The following TNS3 variants were observed in gnomAD, a reference collection of about 807,000 sequenced individuals.
The protein encoded by TNS3 is tensin-3.
In TNS3, 45 loss-of-function variants were observed where a neutral mutation model predicts 140.9. The ratio of observed to expected loss-of-function variants is 0.32; its 90% confidence interval spans 0.25 to 0.41. The LOEUF is 0.41. Ranked by LOEUF, TNS3 falls within the 10% of genes least tolerant of loss-of-function variation. The pLI is 1.00. For synonymous variants in TNS3, 815 were observed against 788.4 expected (o/e 1.03, Z -0.56); for missense variants, 1,716 against 1,906.7 (o/e 0.90, Z 1.86).
chr7:47,298,666 C>A (rs1282545018), intron 23 of TNS3, among the ~76,000 whole-genome samples: 1 of 152,246 alleles, frequency 6.6e-6, no homozygotes, highest in Non-Finnish European at 1.5e-5. Flanking sequence ...CCAGTAAGTG[C>A]TGGGATGCCC....
At chr7:47,389,002 G>A (rs12702336) in intron 16 of TNS3, among the ~76,000 whole-genome samples, 18 of 6,622 alleles carry the variant, frequency 2.7e-3, no homozygotes, top group Non-Finnish European at 0.012. Flanking sequence ...AGAAGAAGAA[G>A]GAAGAAGAAG....
At chr7:47,278,352 C>A in intron 30 of TNS3, 132 bp from the exon 31 acceptor site, 1 of 1,042,270 alleles carries the variant, frequency 9.6e-7, no homozygotes, top group Non-Finnish European at 1.4e-6. Context: ...ACGTGCCCAG[C>A]ACCCTGCTGG....
At chr7:47,527,992 T>C (rs1373832521) in intron 2 of TNS3, among the ~76,000 whole-genome samples, 1 of 152,116 alleles carries the variant, frequency 6.6e-6, no homozygotes, top group Non-Finnish European at 1.5e-5. Flanking sequence ...CTGCCTTGGA[T>C]GCAGATCTAG....
intron 1 of TNS3, among the ~76,000 whole-genome samples, chr7:47,543,337 T>A (rs1029281747): frequency 6.6e-6 from 1 of 152,226 alleles, no homozygotes; most frequent in Non-Finnish European, 1.5e-5. Flanking sequence ...CCCAGGGCCA[T>A]GCTGGAGGGG....
intron 1 of TNS3, among the ~76,000 whole-genome samples, chr7:47,541,519 G>C (rs1191294687): frequency 6.6e-6 from 1 of 152,152 alleles, no homozygotes; most frequent in South Asian, 2.1e-4. Context: ...TTAACAAAAA[G>C]ACACAGGGGC....
intron 1 of TNS3, among the ~76,000 whole-genome samples, chr7:47,566,078 G>A (rs1800423462): frequency 6.6e-6 from 1 of 152,200 alleles, no homozygotes; most frequent in Non-Finnish European, 1.5e-5. Flanking sequence ...ACCCTGCCGA[G>A]CCGCAACCCA....
intron 4 of TNS3, among the ~76,000 whole-genome samples, chr7:47,451,005 G>A (rs1244588443): frequency 6.6e-6 from 1 of 152,196 alleles, no homozygotes; most frequent in East Asian, 1.9e-4. Flanking sequence ...GTGGTGGCAG[G>A]TGCCTGTAAA....
At chr7:47,365,539 G>A (rs932633455) in intron 17 of TNS3, among the ~76,000 whole-genome samples, 5 of 152,068 alleles carry the variant, frequency 3.3e-5, no homozygotes, top group Admixed American at 6.5e-5. Context: ...CGAGGGGGGC[G>A]GATCACAAGG....
chr7:47,392,876 G>A (rs1288592931), intron 16 of TNS3, among the ~76,000 whole-genome samples: 1 of 152,248 alleles, frequency 6.6e-6, no homozygotes, highest in African/African-American at 2.4e-5. Flanking sequence ...TTCTCAAAAG[G>A]ACCCAAGCCT....
At position 47,296,340 on chromosome 7, in the gene TNS3, C is replaced by T. The variant is rs377203069; in HGVS notation, c.3676+742G>A. On this transcript the variant is annotated intron_variant, in intron 24 of 30. Coordinates refer to ENST00000311160, the MANE Select transcript of TNS3 (RefSeq NM_022748.12). ...GTGAGGTTGTAGAGAAAAAGGAATG[C>T]TTTTGCACTGTTGGTGAGAGTGTAA... Among the ~76,000 whole-genome samples the T allele has an allele frequency of 4.1e-4, 62 of 152,302 alleles. 1 individual carries two copies. The East Asian group carries it at 7.3e-3, about 18-fold the overall frequency.
At chr7:47,317,837 A>G (rs940391073) in intron 20 of TNS3, among the ~76,000 whole-genome samples, 6 of 152,314 alleles carry the variant, frequency 3.9e-5, no homozygotes, top group Admixed American at 2.6e-4. Flanking sequence ...AGAGACAGAG[A>G]GAGAGACCCA....
At chr7:47,508,960 G>A (rs1442490465) in intron 2 of TNS3, among the ~76,000 whole-genome samples, 4 of 152,166 alleles carry the variant, frequency 2.6e-5, no homozygotes, top group Non-Finnish European at 5.9e-5. Flanking sequence ...GCCTTCAGAT[G>A]GTGCAGCCTC....
At chr7:47,411,422 C>T (rs900355453) in intron 13 of TNS3, among the ~76,000 whole-genome samples, 6 of 152,212 alleles carry the variant, frequency 3.9e-5, no homozygotes, top group African/African-American at 4.8e-5. Context: ...CTAGATCGCT[C>T]GCATACACAG....
At position 47,275,814 on chromosome 7, in the gene TNS3, C is replaced by T. The variant is rs546166813; in HGVS notation, c.*2262G>A. 24 of 456,022 alleles carry T rather than the reference C, an allele frequency of 5.3e-5. No homozygotes were observed. In the East Asian group the frequency reaches 1.2e-3, roughly 22 times the overall value. The allele number at this position is 456,022 out of a possible 1,614,324, so 28.2% of individuals were successfully genotyped here. On this transcript the variant is annotated 3_prime_UTR_variant, in exon 31 of 31. Coordinates refer to ENST00000311160, the MANE Select transcript of TNS3 (RefSeq NM_022748.12). ...ACCTGGCCAATGAGTTCAAAAAGCA[C>T]GTTTGCAGGGCTTCCTGAATGCCGT...
chr7:47,520,081 T>C lies in TNS3; in HGVS notation c.-153+8955A>G, dbSNP rs543331745. 2.9e-3 allele frequency among the ~76,000 whole-genome samples: 444 copies of C among 152,070 alleles called. 3 individuals are homozygous for C. The highest frequency in any genetic ancestry group is 0.01 in the African/African-American group (429 of 41,470). On this transcript the variant is annotated intron_variant, in intron 2 of 30. Coordinates refer to ENST00000311160, the MANE Select transcript of TNS3 (RefSeq NM_022748.12). ...ACCTCGTGATCCGCCTGCCTCAGCC[T>C]CCCAAAGTGCTGGGATTACAGGCTT...
chr7:47,537,064 G>A (rs1406813937), intron 1 of TNS3, among the ~76,000 whole-genome samples: 1 of 151,778 alleles, frequency 6.6e-6, no homozygotes, highest in Non-Finnish European at 1.5e-5. Context: ...GGTTCCGCGC[G>A]CGAACCCTCC....
At chr7:47,449,846 T>A (rs1204182988) in intron 4 of TNS3, among the ~76,000 whole-genome samples, 1 of 152,232 alleles carries the variant, frequency 6.6e-6, no homozygotes, top group Non-Finnish European at 1.5e-5. Flanking sequence ...CCTCAGGTGA[T>A]ATGCCCGCCT....
At chr7:47,432,937 C>A (rs879499805) in intron 8 of TNS3, among the ~76,000 whole-genome samples, 2 of 152,194 alleles carry the variant, frequency 1.3e-5, no homozygotes, top group Non-Finnish European at 2.9e-5. Context: ...ACTAACTGCA[C>A]AATTTTCCAT....
chr7:47,379,649 C>T (rs1038726565), intron 16 of TNS3, among the ~76,000 whole-genome samples: 15 of 152,280 alleles, frequency 9.9e-5, no homozygotes, highest in African/African-American at 3.6e-4. Context: ...GTAGGGACAA[C>T]TCTTTCTCTC....
Sources: gnomAD v4.1 joint callset for allele counts (sites outside exome capture counted in the v4.1 genomes callset) on GRCh38, gnomAD v4.1.1 for gene constraint, MANE v1.5 for transcripts, NCBI Gene and HGNC (gene_info 2026-07-23, HGNC 2026-07-21) for gene names.